The following CDKL5 variants were observed in gnomAD, a reference collection of about 807,000 sequenced individuals.
CDKL5 encodes cyclin dependent kinase like 5.
A neutral mutation model predicts 61.7 loss-of-function variants in CDKL5; 8 were observed. That is an observed-to-expected ratio of 0.13 (90% confidence interval 0.08 to 0.23). CDKL5 has a LOEUF of 0.23. Ranked by LOEUF, CDKL5 falls within the 10% of genes least tolerant of loss-of-function variation. The pLI, the probability that CDKL5 is intolerant of heterozygous loss-of-function variation, is 1.00. For missense variants in CDKL5, 440 were observed against 734.5 expected, an observed-to-expected ratio of 0.60 and a Z score of 4.63; for synonymous variants, 275 against 272.3, an observed-to-expected ratio of 1.01 and a Z score of -0.10.
At chrX:18,560,284 T>G (rs772589093) in intron 3 of CDKL5, among the ~76,000 whole-genome samples, 3 of 111,551 alleles carry the variant, frequency 2.7e-5, no homozygotes, top group Non-Finnish European at 5.6e-5. Flanking sequence ...CCACATCCTC[T>G]CCAGCACCTG....
intron 1 of CDKL5, among the ~76,000 whole-genome samples, chrX:18,504,574 C>T (rs776950747): frequency 6.3e-5 from 7 of 111,982 alleles, no homozygotes; most frequent in Non-Finnish European, 9.4e-5. Flanking sequence ...TTTCTACCAT[C>T]AGTGTATGGA....
At chrX:18,483,999 A>T (rs1033594037) in intron 1 of CDKL5, among the ~76,000 whole-genome samples, 1 of 111,665 alleles carries the variant, frequency 9.0e-6, no homozygotes, top group Non-Finnish European at 1.9e-5. Context: ...TGATTTTCCC[A>T]CTTACTCTAT....
At chrX:18,478,686 T>C (rs1921421444) in intron 1 of CDKL5, among the ~76,000 whole-genome samples, 1 of 108,901 alleles carries the variant, frequency 9.2e-6, no homozygotes, top group African/African-American at 3.3e-5. Context: ...TTTCTTTTTT[T>C]TTTTTTTTCT....
chrX:18,456,349 A>G (rs1017202013), intron 1 of CDKL5, among the ~76,000 whole-genome samples: 4 of 111,668 alleles, frequency 3.6e-5, no homozygotes, highest in Middle Eastern at 4.2e-3. Flanking sequence ...TCACAACCCA[A>G]CCTTCCGTCA....
chrX:18,609,530 C>T lies in CDKL5; in HGVS notation c.2112C>T (p.Tyr704=). ...CCCCCAAAGAAAATAGACACCTATA[C>T]AATGATCCTGTGCCAAGGAGAGTTG... ...GTAPKENRHL[Y]NDPVPRRVGS... Residue 704 remains tyrosine (Y), a synonymous_variant, in exon 14 of 18, where the codon TAC becomes TAT. Coordinates refer to ENST00000623535, the MANE Select transcript of CDKL5 (RefSeq NM_001323289.2). The T allele has an allele frequency of 8.3e-7, 1 of 1,211,903 alleles. No individual in the cohort carries two copies. The highest frequency in any genetic ancestry group is 1.1e-6 in the Non-Finnish European group (1 of 895,557).
chrX:18,439,728 T>C (rs1280421933), intron 1 of CDKL5, among the ~76,000 whole-genome samples: 1 of 108,095 alleles, frequency 9.3e-6, no homozygotes, highest in Non-Finnish European at 1.9e-5. Flanking sequence ...TCCCAGCTAC[T>C]CGGGTGGCTG....
intron 6 of CDKL5, 121 bp downstream of exon 6, chrX:18,580,089 A>T: frequency 1.6e-6 from 1 of 622,530 alleles, no homozygotes; most frequent in Non-Finnish European, 2.5e-6. Flanking sequence ...TAAATTAAAT[A>T]TATTTTGAAA....
At chrX:18,486,625 T>C (rs1340086270) in intron 1 of CDKL5, among the ~76,000 whole-genome samples, 1 of 112,183 alleles carries the variant, frequency 8.9e-6, no homozygotes, top group Non-Finnish European at 1.9e-5. Flanking sequence ...TAGATGGCAT[T>C]ATTAAAGTAC....
At chrX:18,514,824 G>A (rs770607556) in intron 3 of CDKL5, among the ~76,000 whole-genome samples, 14 of 109,363 alleles carry the variant, frequency 1.3e-4, no homozygotes, top group African/African-American at 4.3e-4. Flanking sequence ...TTTTTGTGAC[G>A]AAGTCTCACT....
At chrX:18,512,659 A>C (rs1922869271) in intron 3 of CDKL5, among the ~76,000 whole-genome samples, 2 of 111,268 alleles carry the variant, frequency 1.8e-5, no homozygotes, top group African/African-American at 3.2e-5. Flanking sequence ...AGGATGATTA[A>C]GAATTTAAAA....
chrX:18,602,859 A>G (rs1321533808), intron 11 of CDKL5, among the ~76,000 whole-genome samples: 4 of 112,227 alleles, frequency 3.6e-5, no homozygotes, highest in Admixed American at 9.4e-5. Context: ...AGCAATAGCA[A>G]TATTTGCAGC....
At chrX:18,626,598 A>C (rs1927049612) in intron 17 of CDKL5, among the ~76,000 whole-genome samples, 1 of 108,460 alleles carries the variant, frequency 9.2e-6, no homozygotes, top group Admixed American at 9.9e-5. Flanking sequence ...ATTTCAAAAC[A>C]AAACAAAAAG....
intron 1 of CDKL5, among the ~76,000 whole-genome samples, chrX:18,464,442 CT>C (rs1187198318): frequency 5.4e-5 from 6 of 111,443 alleles, no homozygotes; most frequent in African/African-American, 2.0e-4. Context: ...GTTAATATCT[CT>C]TTGTCTGTTT....
At chrX:18,620,502 G>A (rs1246190221) in intron 16 of CDKL5, among the ~76,000 whole-genome samples, 1 of 111,312 alleles carries the variant, frequency 9.0e-6, no homozygotes, top group Non-Finnish European at 1.9e-5. Context: ...TGATCGCGCT[G>A]TGGGTTGGAA....
At chrX:18,520,630 A>C (rs184475258) in intron 3 of CDKL5, among the ~76,000 whole-genome samples, 2 of 111,864 alleles carry the variant, frequency 1.8e-5, no homozygotes, top group Admixed American at 1.9e-4. Context: ...GCCATGTTTA[A>C]TTTTTTGAAA....
At chrX:18,461,136 T>A (rs952182178) in intron 1 of CDKL5, among the ~76,000 whole-genome samples, 3 of 112,206 alleles carry the variant, frequency 2.7e-5, no homozygotes, top group African/African-American at 9.7e-5. Context: ...AGATTCCTGT[T>A]TTTTGGCTAA....
chrX:18,432,065 C>T (rs1362658319), intron 1 of CDKL5, among the ~76,000 whole-genome samples: 1 of 107,168 alleles, frequency 9.3e-6, no homozygotes, highest in East Asian at 2.9e-4. Flanking sequence ...CATGCCACTG[C>T]ACCTGGCTAA....
At chrX:18,484,282 C>G (rs1336845697) in intron 1 of CDKL5, among the ~76,000 whole-genome samples, 1 of 111,531 alleles carries the variant, frequency 9.0e-6, no homozygotes, top group Non-Finnish European at 1.9e-5. Flanking sequence ...CAAGTTCATT[C>G]TCTGTTAGAT....
At chrX:18,589,979 G>C (rs1430016543) in intron 9 of CDKL5, among the ~76,000 whole-genome samples, 1 of 111,843 alleles carries the variant, frequency 8.9e-6, no homozygotes, top group African/African-American at 3.2e-5. Context: ...CTTTTTGATG[G>C]AGTAGTTTGA....
Sources: gnomAD v4.1 joint callset for allele counts (sites outside exome capture counted in the v4.1 genomes callset) on GRCh38, gnomAD v4.1.1 for gene constraint, MANE v1.5 for transcripts, NCBI Gene and HGNC (gene_info 2026-07-23, HGNC 2026-07-21) for gene names.